Variants in TRPC6 observed in about 807,000 individuals in gnomAD.
The protein encoded by TRPC6 is short transient receptor potential channel 6.
A neutral mutation model predicts 90.7 loss-of-function variants in TRPC6; 55 were observed. The observed-to-expected ratio is 0.61, with a 90% CI of 0.49 to 0.76. The LOEUF (loss-of-function observed/expected upper bound fraction) is 0.76, where lower values mean the gene tolerates loss of function less well. Among genes scored for constraint, TRPC6 ranks in the 30% least tolerant of loss-of-function variants. The probability of loss-of-function intolerance (pLI) is 0.00; values close to 1 mark genes in which losing one functional copy is unlikely to be tolerated. For missense variants in TRPC6, 989 were observed against 1,122.7 expected (o/e 0.88, Z 1.70); for synonymous variants, 393 against 393.0 (o/e 1.00, Z 0.00).
At chr11:101,516,680 T>A (rs1860530529) in intron 1 of TRPC6, among the ~76,000 whole-genome samples, 1 of 152,234 alleles carries the variant, frequency 6.6e-6, no homozygotes, top group Admixed American at 6.5e-5. Flanking sequence ...CTGTGGTTCA[T>A]TATCTGGCTC....
rs569384964 is a variant in TRPC6 at position 101,513,446 on chromosome 11, G to A, written c.171-8648C>T. 8.7e-4 allele frequency among the ~76,000 whole-genome samples: 133 copies of A among 152,038 alleles called. No individual in the cohort carries two copies. The South Asian group carries it at 0.012, about 14-fold the overall frequency. On this transcript the variant is annotated intron_variant, in intron 1 of 12. Coordinates refer to ENST00000344327, the MANE Select transcript of TRPC6 (RefSeq NM_004621.6). ...CGGGTGATGGGTGCACTAAAATCTCGGAAATCATCACTAAAGAACTTATAC... is the reference window on the plus strand; with the variant it reads ...CGGGTGATGGGTGCACTAAAATCTCAGAAATCATCACTAAAGAACTTATAC...
chr11:101,536,539 T>C (rs962759238), intron 1 of TRPC6, among the ~76,000 whole-genome samples: 2 of 152,066 alleles, frequency 1.3e-5, no homozygotes, highest in Admixed American at 1.3e-4. Context: ...CTGGAGACAA[T>C]GATTTTTAAG....
At chr11:101,498,702 T>C (rs1251638457) in intron 2 of TRPC6, among the ~76,000 whole-genome samples, 2 of 152,174 alleles carry the variant, frequency 1.3e-5, no homozygotes, top group Non-Finnish European at 2.9e-5. Flanking sequence ...AGATTAATCG[T>C]CTTCAAACAG....
chr11:101,473,646 C>G lies in TRPC6; in HGVS notation c.1872G>C (p.Gln624His). ...CTTTGACTGTTCTTCCAAGTGATAT[C>G]TGCAGAGGTCCAAAGCTTTCATTTG... ...LPANESFGPL[Q>H]ISLGRTVKDI... The change falls in exon 7 of 13, where the codon CAG becomes CAC. Residue 624 changes from glutamine (Q) to histidine (H), a missense_variant. Gln to His is a conservative substitution (Grantham distance 24). Transcript: ENST00000344327. 1 of 1,613,796 alleles carries G rather than the reference C, an allele frequency of 6.2e-7. No homozygotes were observed. Among genetic ancestry groups the G allele is most frequent in the Non-Finnish European group, 8.5e-7 (1 of 1,179,806 alleles).
chr11:101,570,100 G>C (rs35005817), intron 1 of TRPC6, among the ~76,000 whole-genome samples: 5 of 151,878 alleles, frequency 3.3e-5, no homozygotes, highest in Non-Finnish European at 7.4e-5. Flanking sequence ...TTTTTGTAAA[G>C]ATCAACAAAC....
At chr11:101,455,236 T>C (rs181442722) in intron 10 of TRPC6, 135 bp from the exon 11 acceptor site, 117 of 724,420 alleles carry the variant, frequency 1.6e-4, no homozygotes, top group Non-Finnish European at 2.3e-4. Context: ...TTTATCTTGC[T>C]TAGTATTCTG....
intron 1 of TRPC6, among the ~76,000 whole-genome samples, chr11:101,540,646 A>C (rs921842826): frequency 6.6e-6 from 1 of 152,248 alleles, no homozygotes; most frequent in Admixed American, 6.5e-5. Flanking sequence ...ACATGTACAC[A>C]TAACTTAATA....
intron 2 of TRPC6, among the ~76,000 whole-genome samples, chr11:101,501,518 A>C (rs1860125004): frequency 6.6e-6 from 1 of 152,146 alleles, no homozygotes; most frequent in Non-Finnish European, 1.5e-5. Flanking sequence ...ACTCTGCTGT[A>C]AACTGAGACT....
chr11:101,473,087 T>A (rs1483973205), intron 7 of TRPC6, among the ~76,000 whole-genome samples: 1 of 152,118 alleles, frequency 6.6e-6, no homozygotes, highest in Admixed American at 6.6e-5. Context: ...GCTGTTTTCA[T>A]AGTTAGCATC....
intron 10 of TRPC6, among the ~76,000 whole-genome samples, chr11:101,459,151 A>G (rs1444106164): frequency 6.6e-6 from 1 of 152,230 alleles, no homozygotes; most frequent in East Asian, 1.9e-4. Context: ...GAAAAGAGAT[A>G]CTTGTGTTGA....
At chr11:101,502,327 A>G (rs980436697) in intron 2 of TRPC6, among the ~76,000 whole-genome samples, 1 of 152,200 alleles carries the variant, frequency 6.6e-6, no homozygotes, top group African/African-American at 2.4e-5. Context: ...GATCTTTTCT[A>G]TCACATTGGA....
chr11:101,559,733 A>C (rs1222467373), intron 1 of TRPC6, among the ~76,000 whole-genome samples: 1 of 149,892 alleles, frequency 6.7e-6, no homozygotes, highest in Non-Finnish European at 1.5e-5. Flanking sequence ...TGCTGCACCC[A>C]TTAACTCATC....
chr11:101,504,525 A>G lies in TRPC6; in HGVS notation c.444T>C (p.Ile148=). Residue 148 remains isoleucine (I), a synonymous_variant, in exon 2 of 13, where the codon ATT becomes ATC. Transcript: ENST00000344327. The stretch of plus-strand genomic sequence containing the variant: ...TTTCTTTCTTGAGAAGAAGTTCTGT[A>G]ATTTCCAGATGCTCATTGGCCACTG... ...QLAVANEHLE[I]TELLLKKENL... is the part of the protein sequence containing the mutation. 1 of 1,614,106 alleles carries G rather than the reference A, an allele frequency of 6.2e-7. No homozygotes were observed. The highest frequency in any genetic ancestry group is 8.5e-7 in the Non-Finnish European group (1 of 1,179,996).
intron 7 of TRPC6, 55 bp downstream of exon 7, chr11:101,473,454 A>G: frequency 1.3e-6 from 2 of 1,591,904 alleles, no homozygotes; most frequent in Non-Finnish European, 1.7e-6. Context: ...ACGCTGTTAA[A>G]CTAATATTTA....
intron 2 of TRPC6, among the ~76,000 whole-genome samples, chr11:101,500,013 A>ATG (rs1374452615): frequency 8.2e-6 from 1 of 121,984 alleles, no homozygotes; most frequent in East Asian, 2.2e-4. Flanking sequence ...ATGTGTATAT[A>ATG]TATACGCAAT....
chr11:101,583,146 C>T, intron 1 of TRPC6, 188 bp downstream of exon 1: 1 of 984,364 alleles, frequency 1.0e-6, no homozygotes, highest in Non-Finnish European at 1.2e-6. Context: ...ACCCCGCCTC[C>T]CCCACTCCCC....
chr11:101,484,563 A>T (rs1859628105), intron 4 of TRPC6, among the ~76,000 whole-genome samples: 1 of 146,050 alleles, frequency 6.8e-6, no homozygotes, highest in South Asian at 2.2e-4. Context: ...ATATCAGGAG[A>T]TATTGTATTG....
At position 101,475,974 on chromosome 11, in the gene TRPC6, C is replaced by T. The variant is rs150589022; in HGVS notation, c.1744+327G>A. Among the ~76,000 whole-genome samples the T allele has an allele frequency of 2.1e-3, 322 of 150,736 alleles. 1 individual carries two copies. Among genetic ancestry groups the T allele is most frequent in the African/African-American group, 7.6e-3 (310 of 40,658 alleles). On this transcript the variant is annotated intron_variant, in intron 6 of 12. Transcript: ENST00000344327. ...GAGAGATACAGAGAGATAGATCAAA[C>T]GTGAACTATTTTTAATTAAAAAAGA...
intron 1 of TRPC6, among the ~76,000 whole-genome samples, chr11:101,571,479 A>C (rs1861963222): frequency 1.3e-5 from 2 of 152,204 alleles, no homozygotes; most frequent in African/African-American, 4.8e-5. Flanking sequence ...TATCCCCATC[A>C]AATTACCATT....
Sources: gnomAD v4.1 joint callset for allele counts (sites outside exome capture counted in the v4.1 genomes callset) on GRCh38, gnomAD v4.1.1 for gene constraint, MANE v1.5 for transcripts, NCBI Gene and HGNC (gene_info 2026-07-23, HGNC 2026-07-21) for gene names.